MACROD2: variants seen among roughly 807,000 people sequenced by gnomAD.
MACROD2 encodes the protein ADP-ribose glycohydrolase MACROD2.
Under a neutral mutation model 70.4 loss-of-function variants are expected in MACROD2, and 36 were observed. The ratio of observed to expected loss-of-function variants is 0.51; its 90% CI spans 0.39 to 0.68. MACROD2 has a LOEUF of 0.68. MACROD2 is among the 30% of genes least tolerant of loss of function. The probability of loss-of-function intolerance (pLI) is 0.00; values close to 1 mark genes in which losing one functional copy is unlikely to be tolerated. For missense variants in MACROD2, 496 were observed against 538.4 expected (o/e 0.92, Z 0.78); for synonymous variants, 172 against 178.8 (o/e 0.96, Z 0.30).
At chr20:15,182,247 A>C (rs942680919) in intron 5 of MACROD2, among the ~76,000 whole-genome samples, 3 of 152,204 alleles carry the variant, frequency 2.0e-5, no homozygotes, top group Admixed American at 2.0e-4. Context: ...GGGGATAAGA[A>C]TAGTGGAGAG....
At chr20:14,537,550 A>G (rs1244511924) in intron 4 of MACROD2, among the ~76,000 whole-genome samples, 1 of 152,114 alleles carries the variant, frequency 6.6e-6, no homozygotes, top group Non-Finnish European at 1.5e-5. Flanking sequence ...CAAGTGCTTT[A>G]AGTTGGGGAG....
chr20:15,320,088 C>G (rs1283144152), intron 6 of MACROD2, among the ~76,000 whole-genome samples: 2 of 152,052 alleles, frequency 1.3e-5, no homozygotes, highest in African/African-American at 4.8e-5. Flanking sequence ...CCTGTAATCC[C>G]AGCTAATCAG....
chr20:14,420,440 A>G (rs765395112), intron 3 of MACROD2, among the ~76,000 whole-genome samples: 4 of 152,094 alleles, frequency 2.6e-5, no homozygotes, highest in Non-Finnish European at 5.9e-5. Flanking sequence ...TATCTAATTG[A>G]AATTTTTATT....
chr20:15,019,150 T>C (rs1414625798), intron 5 of MACROD2, among the ~76,000 whole-genome samples: 14 of 152,256 alleles, frequency 9.2e-5, no homozygotes, highest in Admixed American at 8.5e-4. Context: ...CTTCTTCCTC[T>C]GAACACACAC....
intron 3 of MACROD2, among the ~76,000 whole-genome samples, chr20:14,295,892 T>A (rs2082423427): frequency 1.3e-5 from 2 of 151,842 alleles, no homozygotes; most frequent in Non-Finnish European, 2.9e-5. Context: ...AGAAACTCAT[T>A]AGGTATGCTG....
intron 5 of MACROD2, among the ~76,000 whole-genome samples, chr20:15,107,527 C>G (rs752897427): frequency 6.6e-6 from 1 of 151,794 alleles, no homozygotes. Context: ...GTAACATACT[C>G]ATCGTCTTTA....
At chr20:14,576,613 T>C (rs1039764851) in intron 4 of MACROD2, among the ~76,000 whole-genome samples, 5 of 152,188 alleles carry the variant, frequency 3.3e-5, no homozygotes, top group Non-Finnish European at 2.9e-5. Flanking sequence ...TATTTGGATA[T>C]AATTAAAAGG....
chr20:15,921,516 A>G (rs1003424192), intron 10 of MACROD2, among the ~76,000 whole-genome samples: 2 of 152,080 alleles, frequency 1.3e-5, no homozygotes, highest in African/African-American at 4.8e-5. Context: ...CTTTTACCCC[A>G]TTCATTCCTA....
At chr20:14,644,468 A>G (rs911641151) in intron 4 of MACROD2, among the ~76,000 whole-genome samples, 4 of 152,192 alleles carry the variant, frequency 2.6e-5, no homozygotes, top group African/African-American at 4.8e-5. Context: ...ATAATTTAGC[A>G]TTCCAATGAC....
In MACROD2 at chr20:15,768,102, G is replaced by T. The variant is rs79133474; in HGVS notation, c.646-94643G>T. 8.3e-3 allele frequency among the ~76,000 whole-genome samples: 1,266 copies of T among 151,834 alleles called. 15 individuals carry two copies. Among genetic ancestry groups the T allele is most frequent in the African/African-American group, 0.028 (1,161 of 41,378 alleles). ...TATAGCATGAAAGTTACTGCAAAAA[G>T]AAAATGAGGCTGTGTGTGTGTTTGT... On this transcript the variant is annotated intron_variant, in intron 8 of 17. Coordinates refer to ENST00000684519, the MANE Select transcript of MACROD2 (RefSeq NM_001351661.2).
At chr20:15,095,871 G>C (rs575941994) in intron 5 of MACROD2, among the ~76,000 whole-genome samples, 1 of 151,962 alleles carries the variant, frequency 6.6e-6, no homozygotes, top group African/African-American at 2.4e-5. Context: ...TTGTGTGTGT[G>C]TGTGTGTGTG....
chr20:16,021,245 C>G (rs532582008), intron 15 of MACROD2, among the ~76,000 whole-genome samples: 1 of 152,262 alleles, frequency 6.6e-6, no homozygotes, highest in African/African-American at 2.4e-5. Context: ...TCCCCTTGCC[C>G]ACAGCCTCCA....
chr20:15,672,737 T>C (rs887510506), intron 8 of MACROD2, among the ~76,000 whole-genome samples: 2 of 152,164 alleles, frequency 1.3e-5, no homozygotes, highest in African/African-American at 4.8e-5. Context: ...TCCTGCTGAT[T>C]ATAACTTGGA....
At chr20:14,132,278 G>T (rs891645037) in intron 3 of MACROD2, among the ~76,000 whole-genome samples, 2 of 152,050 alleles carry the variant, frequency 1.3e-5, no homozygotes, top group Non-Finnish European at 2.9e-5. Flanking sequence ...GAACTGCTGG[G>T]CTCAAGCGAT....
At chr20:15,307,639 T>A (rs1055927340) in intron 6 of MACROD2, among the ~76,000 whole-genome samples, 1 of 152,194 alleles carries the variant, frequency 6.6e-6, no homozygotes, top group African/African-American at 2.4e-5. Flanking sequence ...CTCTCATATA[T>A]AACTGTAGTT....
At chr20:14,320,949 G>A (rs1449108513) in intron 3 of MACROD2, among the ~76,000 whole-genome samples, 1 of 152,074 alleles carries the variant, frequency 6.6e-6, no homozygotes, top group African/African-American at 2.4e-5. Flanking sequence ...TCTTCCTTGA[G>A]CTATTCAAAT....
chr20:15,303,246 T>C (rs2077664320), intron 6 of MACROD2, among the ~76,000 whole-genome samples: 1 of 152,202 alleles, frequency 6.6e-6, no homozygotes, highest in Non-Finnish European at 1.5e-5. Flanking sequence ...ACCTCTAATC[T>C]TGACTTGTCT....
chr20:15,824,768 T>C (rs1360759508), intron 8 of MACROD2, among the ~76,000 whole-genome samples: 1 of 152,168 alleles, frequency 6.6e-6, no homozygotes, highest in Admixed American at 6.5e-5. Context: ...AAGAAAAGAC[T>C]TAGTTACTCA....
chr20:14,299,124 A>T (rs1052614144), intron 3 of MACROD2, among the ~76,000 whole-genome samples: 2 of 152,188 alleles, frequency 1.3e-5, no homozygotes, highest in Non-Finnish European at 2.9e-5. Context: ...ATCACATACT[A>T]CAGAGATACC....
Sources: allele counts gnomAD v4.1 joint callset (sites outside exome capture counted in the v4.1 genomes callset), GRCh38; gene constraint gnomAD v4.1.1; transcripts MANE v1.5; gene names NCBI Gene and HGNC (gene_info 2026-07-23, HGNC 2026-07-21).